The following DSC3 variants were observed in gnomAD, a reference collection of about 807,000 sequenced individuals.
DSC3 encodes the protein desmocollin-3.
DSC3 carries 97 observed loss-of-function variants against 89.5 expected under a neutral mutation model. The ratio of observed to expected loss-of-function variants is 1.08; its 90% CI spans 0.92 to 1.28. The LOEUF (loss-of-function observed/expected upper bound fraction) is 1.28. Among genes scored for constraint, DSC3 ranks in the 50% most tolerant of loss-of-function variants. The pLI is 0.00. For synonymous variants in DSC3, 436 were observed against 384.1 expected (o/e 1.14, Z -1.58); for missense variants, 1,199 against 1,085.3 (o/e 1.10, Z -1.47).
chr18:31,018,192 T>A lies in DSC3; in HGVS notation c.1142A>T (p.Lys381Met). 6.2e-7 allele frequency: 1 copy of A among 1,612,522 alleles called. No homozygotes were observed. The highest frequency in any genetic ancestry group is 8.5e-7 in the Non-Finnish European group (1 of 1,179,096). ...CCAATTGGCAGTGTTAATTAAATCC[T>A]TATCTTCTATAGGTATTCGTAAGAT... Reference protein sequence around the residue: ...VEILRIPIEDKDLINTANWRV... With the variant: ...VEILRIPIEDMDLINTANWRV... Residue 381 changes from lysine to methionine, a missense_variant, in exon 9 of 16, where the codon AAG becomes ATG. Lys to Met is a moderately conservative substitution (Grantham distance 95). Transcript: ENST00000360428.
chr18:30,991,901 C>T lies in DSC3; in HGVS notation c.*2274G>A, dbSNP rs1464708585. 6.6e-6 allele frequency: 1 copy of T among 152,194 alleles called. No individual in the cohort carries two copies. Among genetic ancestry groups the T allele is most frequent in the African/African-American group, 2.4e-5 (1 of 41,432 alleles). The allele number at this position is 152,194 out of a possible 1,614,324, so 9.4% of individuals were successfully genotyped here. A position where few individuals can be genotyped will look rare whatever the true frequency, so the allele number is the denominator to read the frequency against. On this transcript the variant is annotated 3_prime_UTR_variant, in exon 16 of 16. Coordinates refer to ENST00000360428, the MANE Select transcript of DSC3 (RefSeq NM_001941.5). ...GAAAACAAGGCCGGGAGCGGTGGGT[C>T]ATGCCTGTAATCCCAGCACTTTGGG...
intron 14 of DSC3, among the ~76,000 whole-genome samples, chr18:31,001,408 G>A (rs992393580): frequency 4.0e-5 from 6 of 151,468 alleles, no homozygotes; most frequent in African/African-American, 1.5e-4. Context: ...ACACTAGAGT[G>A]GAAAAAAGAT....
chr18:31,038,262 C>T (rs569110559), intron 1 of DSC3, among the ~76,000 whole-genome samples: 39 of 152,250 alleles, frequency 2.6e-4, no homozygotes, highest in African/African-American at 8.4e-4. Context: ...AAACAATTTA[C>T]ATAAAGTACA....
In DSC3 at chr18:31,025,872, A is replaced by C; in HGVS notation, c.518T>G (p.Ile173Arg). Residue 173 changes from isoleucine (I) to arginine (R), a missense_variant, in exon 5 of 16, where the codon ATA becomes AGA. Physicochemically the swap from Ile to Arg is moderately conservative, Grantham distance 97 (BLOSUM62 -3). Transcript: ENST00000360428. The stretch of plus-strand genomic sequence containing the variant: ...TTCTTTATCAACTCCACGTCCACTT[A>C]TTGAGTAGAAGACAGTATAGTTCTG... ...AAQNYTVFYS[I>R]SGRGVDKEPL... 1 of 1,613,140 alleles carries C rather than the reference A, an allele frequency of 6.2e-7. No homozygotes were observed. The highest frequency in any genetic ancestry group is 2.2e-5 in the East Asian group (1 of 44,826).
chr18:31,012,439 C>T lies in DSC3; in HGVS notation c.1264-3914G>A, dbSNP rs549154710. On this transcript the variant is annotated intron_variant, in intron 9 of 15. Transcript: ENST00000360428. ...CTCAGGGATTATGAATAAGAGCTCC[C>T]CACCAGAGAGATCTGGGTTTGTATC... 9.3e-4 allele frequency among the ~76,000 whole-genome samples: 141 copies of T among 152,226 alleles called. No individual in the cohort carries two copies. In the South Asian group the frequency reaches 0.014, roughly 15 times the overall value.
rs1205141113 is a variant in DSC3 at position 30,997,038 on chromosome 18, T to C, written c.2246A>G (p.Asn749Ser). Residue 749 changes from asparagine to serine, a missense_variant, in exon 15 of 16, where the codon AAT becomes AGT. Coordinates refer to ENST00000360428, the MANE Select transcript of DSC3 (RefSeq NM_001941.5). ...GTTGGTAGTTTGGGTCATAAATCCATTGGCAGAGCACTGAAATAATAAAAT... is the reference window on the plus strand; with the variant it reads ...GTTGGTAGTTTGGGTCATAAATCCACTGGCAGAGCACTGAAATAATAAAAT... ...APGDDRVCSA[N>S]GFMTQTTNNS... is the part of the protein sequence containing the mutation. 2 of 1,614,010 alleles carry C rather than the reference T, an allele frequency of 1.2e-6. No individual in the cohort carries two copies. The highest frequency in any genetic ancestry group is 2.2e-5 in the East Asian group (1 of 44,892).
rs764854767 is a variant in DSC3, at chr18:30,994,216, G to T, written c.2650C>A (p.Pro884Thr). The T allele has an allele frequency of 3.7e-6, 6 of 1,613,924 alleles. No individual in the cohort carries two copies. Among genetic ancestry groups the T allele is most frequent in the Non-Finnish European group, 5.1e-6 (6 of 1,179,954 alleles). The change falls in exon 16 of 16, where the codon CCC becomes ACC. Residue 884 changes from proline to threonine, a missense_variant. Coordinates refer to ENST00000360428, the MANE Select transcript of DSC3 (RefSeq NM_001941.5). Reference protein sequence around the residue: ...DGLDFLNNLEPKFITLAEACT... With the variant: ...DGLDFLNNLETKFITLAEACT... ...GCTTCTGCTAATGTAATAAATTTGG[G>T]TTCCAAATTATTTAAAAAGTCAAGG...
At chr18:31,020,489 T>C (rs1419182265) in intron 7 of DSC3, among the ~76,000 whole-genome samples, 1 of 152,352 alleles carries the variant, frequency 6.6e-6, no homozygotes, top group South Asian at 2.1e-4. Context: ...GATGGTGAAT[T>C]GAAGTCATTA....
At position 31,004,223 on chromosome 18, in the gene DSC3, G is replaced by A. The variant is rs1176722299; in HGVS notation, c.2032C>T (p.Arg678Cys). Residue 678 changes from arginine to cysteine, a missense_variant, in exon 13 of 16, where the codon CGT (arginine) becomes TGT (cysteine). Transcript: ENST00000360428. ...LCECTHPTQC[R>C]ATSRSTGVIL... is the part of the protein sequence containing the mutation. ...ACTCCTGTACTCCTTGAAGTCGCAC[G>A]ACACTGAGTTGGATGAGTACATTCA... The A allele has an allele frequency of 3.1e-6, 5 of 1,613,922 alleles. No individual in the cohort carries two copies. Among genetic ancestry groups the A allele is most frequent in the African/African-American group, 2.7e-5 (2 of 75,026 alleles).
In DSC3 at chr18:31,018,407, G is replaced by T. The variant is rs768233019; in HGVS notation, c.1078-151C>A. 343 of 754,902 alleles carry T rather than the reference G, an allele frequency of 4.5e-4. 1 individual carries two copies. The highest frequency in any genetic ancestry group is 1.9e-3 in the Middle Eastern group (5 of 2,590). 46.8% of individuals were successfully genotyped at this position (754,902 alleles called of 1,614,324 possible). On this transcript the variant is annotated intron_variant, in intron 8 of 15. Transcript: ENST00000360428. The stretch of plus-strand genomic sequence containing the variant: ...CGTAAACACTATTGTTTCATTAAGG[G>T]TTATCTTTTAAATAAAAGAAAAGTT...
At chr18:31,008,856 ACTGT>A (rs767150071) in intron 9 of DSC3, among the ~76,000 whole-genome samples, 1 of 152,164 alleles carries the variant, frequency 6.6e-6, no homozygotes. Context: ...TGCTTGGAGC[ACTGT>A]CTAACAGGCT....
At chr18:31,036,819 A>G (rs868435128) in intron 1 of DSC3, among the ~76,000 whole-genome samples, 4 of 37,864 alleles carry the variant, frequency 1.1e-4, no homozygotes, top group African/African-American at 3.5e-4. Context: ...TTGAGATGGA[A>G]TCTTGCTCTG....
chr18:31,025,853 A>T lies in DSC3; in HGVS notation c.537T>A (p.Asp179Glu), dbSNP rs775470470. The change falls in exon 5 of 16, where the codon GAT becomes GAA. Residue 179 changes from aspartate to glutamate, a missense_variant. Physicochemically the swap from Asp to Glu is conservative, Grantham distance 45 (BLOSUM62 2). Transcript: ENST00000360428. ...TATAAAACAAATTTAAAGGTTCTTT[A>T]TCAACTCCACGTCCACTTATTGAGT... Reference protein sequence around the residue: ...VFYSISGRGVDKEPLNLFYIE... With the variant: ...VFYSISGRGVEKEPLNLFYIE... 2 of 1,613,230 alleles carry T rather than the reference A, an allele frequency of 1.2e-6. No homozygotes were observed. The highest frequency in any genetic ancestry group is 1.7e-6 in the Non-Finnish European group (2 of 1,179,396).
chr18:31,019,371 A>G (rs796549955), intron 7 of DSC3, among the ~76,000 whole-genome samples: 2 of 152,226 alleles, frequency 1.3e-5, no homozygotes, highest in African/African-American at 4.8e-5. Flanking sequence ...TTACAGGCAT[A>G]AGGCAGCACA....
In DSC3 at chr18:30,992,122, A is replaced by T. The variant is rs1032183307; in HGVS notation, c.*2053T>A. On this transcript the variant is annotated 3_prime_UTR_variant, in exon 16 of 16. Coordinates refer to ENST00000360428, the MANE Select transcript of DSC3 (RefSeq NM_001941.5). ...GGAGCTTTCAGTGAGCAGAGATCGG[A>T]GCCACTGCACTCCAGCCTGTGCGTC... The T allele has an allele frequency of 8.6e-5, 11 of 128,232 alleles. No homozygotes were observed. The highest frequency in any genetic ancestry group is 4.6e-4 in the Admixed American group (5 of 10,872). 7.9% of individuals were successfully genotyped at this position (128,232 alleles called of 1,614,324 possible).
rs1163586327 is a variant in DSC3 at position 30,994,323 on chromosome 18, T to A, written c.2543A>T (p.Tyr848Phe). Reference sequence around the variant, plus strand: ...TCCCTCATAGTTATAAGTGAGGACATAATCTTGGGATGGCATGCGGTCTTC... The same window carrying A: ...TCCCTCATAGTTATAAGTGAGGACAAAATCTTGGGATGGCATGCGGTCTTC... ...QNEDRMPSQD[Y>F]VLTYNYEGRG... Residue 848 changes from tyrosine (Y) to phenylalanine (F), a missense_variant, in exon 16 of 16, where the codon TAT becomes TTT. Coordinates refer to ENST00000360428, the MANE Select transcript of DSC3 (RefSeq NM_001941.5). The A allele has an allele frequency of 2.5e-6, 4 of 1,614,022 alleles. No homozygotes were observed. The highest frequency in any genetic ancestry group is 2.5e-6 in the Non-Finnish European group (3 of 1,180,002).
At chr18:31,029,652 C>T in intron 3 of DSC3, 24 bp from the exon 4 acceptor site, 1 of 1,613,162 alleles carries the variant, frequency 6.2e-7, no homozygotes, top group Non-Finnish European at 8.5e-7. Context: ...AAAACAAATA[C>T]ATGAATAAAC....
At chr18:31,032,597 C>T (rs62087290) in intron 1 of DSC3, among the ~76,000 whole-genome samples, 1,994 of 115,564 alleles carry the variant, frequency 0.017, 22 homozygotes, top group East Asian at 0.033. Flanking sequence ...TGTGCGTGTG[C>T]GTGTGCGTGT....
At position 30,990,386 on chromosome 18, in the gene DSC3, G is replaced by A. The variant is rs936235755; in HGVS notation, c.*3789C>T. On this transcript the variant is annotated 3_prime_UTR_variant, in exon 16 of 16. Transcript: ENST00000360428. ...ACTGAAGGACACGTGAAATGTATCC[G>A]GTATTTTACTATTACAAACAAAAAT... 5.9e-5 allele frequency: 9 copies of A among 152,020 alleles called. No homozygotes were observed. The highest frequency in any genetic ancestry group is 2.6e-4 in the Admixed American group (4 of 15,266). The allele number at this position is 152,020 out of a possible 1,614,324, so 9.4% of individuals were successfully genotyped here.
Sources: allele counts gnomAD v4.1 joint callset (sites outside exome capture counted in the v4.1 genomes callset), GRCh38; gene constraint gnomAD v4.1.1; transcripts MANE v1.5; gene names NCBI Gene and HGNC (gene_info 2026-07-23, HGNC 2026-07-21).